PACRG: variants seen among roughly 807,000 people sequenced by gnomAD.
The protein encoded by PACRG is parkin coregulated gene protein.
In PACRG, 29 loss-of-function variants were observed where a neutral mutation model predicts 29.7. The observed-to-expected ratio is 0.98, with a 90% CI of 0.73 to 1.33. The LOEUF (loss-of-function observed/expected upper bound fraction) is 1.33. Among genes scored for constraint, PACRG ranks in the 40% most tolerant of loss-of-function variants. The pLI is 0.00. For missense variants in PACRG, 279 were observed against 316.2 expected (o/e 0.88, Z 0.89); for synonymous variants, 116 against 118.7 (o/e 0.98, Z 0.15).
chr6:163,060,223 G>A (rs1231462560), intron 2 of PACRG, among the ~76,000 whole-genome samples: 1 of 152,026 alleles, frequency 6.6e-6, no homozygotes, highest in Admixed American at 6.5e-5. Context: ...ATTTAATTTT[G>A]TGCTTACAAG....
chr6:163,089,872 T>G (rs1813936662), intron 4 of PACRG, among the ~76,000 whole-genome samples: 1 of 152,218 alleles, frequency 6.6e-6, no homozygotes, highest in Non-Finnish European at 1.5e-5. Context: ...TTTTGTAGTA[T>G]TATTCTATAA....
intron 2 of PACRG, among the ~76,000 whole-genome samples, chr6:162,984,042 A>C (rs2128175423): frequency 6.6e-6 from 1 of 151,890 alleles, no homozygotes; most frequent in Admixed American, 6.6e-5. Context: ...TTATTTCAAT[A>C]GGTTTTTGGG....
chr6:163,060,621 T>C (rs76163589), intron 2 of PACRG, among the ~76,000 whole-genome samples: 65 of 152,320 alleles, frequency 4.3e-4, no homozygotes, highest in African/African-American at 1.5e-3. Flanking sequence ...ACTTCCTTGA[T>C]TGGCTGGACT....
At chr6:162,879,100 TG>T (rs1793614350) in intron 2 of PACRG, among the ~76,000 whole-genome samples, 1 of 152,202 alleles carries the variant, frequency 6.6e-6, no homozygotes, top group Non-Finnish European at 1.5e-5. Flanking sequence ...GTTTATATGA[TG>T]GTCCTCAAAA....
chr6:163,256,497 G>C (rs1225330535), intron 4 of PACRG, among the ~76,000 whole-genome samples: 1 of 152,218 alleles, frequency 6.6e-6, no homozygotes, highest in Non-Finnish European at 1.5e-5. Flanking sequence ...TTCCAGCCAG[G>C]TGGTGAGGTG....
At position 162,808,599 on chromosome 6, in the gene PACRG, C is replaced by T. The variant is rs143056804; in HGVS notation, c.157-5548C>T. 2.7e-3 allele frequency among the ~76,000 whole-genome samples: 411 copies of T among 152,174 alleles called. 2 individuals are homozygous for T. Among genetic ancestry groups the T allele is most frequent in the African/African-American group, 9.0e-3 (375 of 41,524 alleles). On this transcript the variant is annotated intron_variant, in intron 1 of 4. Transcript: ENST00000366888. ...GTCCTAAATCCATTATGCCACATTC[C>T]GTAAATGTAGGCATATAAAGTATTC...
At position 163,026,417 on chromosome 6, in the gene PACRG, T is replaced by C. The variant is rs1368875326; in HGVS notation, c.292-35733T>C. On this transcript the variant is annotated intron_variant, in intron 2 of 4. Coordinates refer to ENST00000366888, the MANE Select transcript of PACRG (RefSeq NM_001080379.2). ...TGACCTTTCTAATTATTAAATTGCTTTGGTAGAATAATTTTATACACTGAT... is the reference window on the plus strand; with the variant it reads ...TGACCTTTCTAATTATTAAATTGCTCTGGTAGAATAATTTTATACACTGAT... Among the ~76,000 whole-genome samples, 4 of 152,358 alleles carry C rather than the reference T, an allele frequency of 2.6e-5. No homozygotes were observed. In the East Asian group the frequency reaches 7.7e-4, roughly 29 times the overall value.
chr6:163,253,657 G>T (rs1311749153), intron 4 of PACRG, among the ~76,000 whole-genome samples: 1 of 152,110 alleles, frequency 6.6e-6, no homozygotes, highest in Non-Finnish European at 1.5e-5. Flanking sequence ...CCATCACCTG[G>T]CCCAAAAACT....
chr6:163,076,149 A>T (rs1230856893), intron 3 of PACRG, among the ~76,000 whole-genome samples: 1 of 152,074 alleles, frequency 6.6e-6, no homozygotes, highest in East Asian at 1.9e-4. Context: ...TGTTGATTCT[A>T]ATTCTGGCAG....
chr6:163,151,788 A>G (rs973607651), intron 4 of PACRG, among the ~76,000 whole-genome samples: 1 of 152,238 alleles, frequency 6.6e-6, no homozygotes, highest in Non-Finnish European at 1.5e-5. Flanking sequence ...TTTTAACGGA[A>G]CTTAAATATT....
At chr6:162,843,917 A>AG (rs1790062503) in intron 2 of PACRG, among the ~76,000 whole-genome samples, 1 of 82,164 alleles carries the variant, frequency 1.2e-5, no homozygotes, top group Non-Finnish European at 2.5e-5. Flanking sequence ...CTCGGGGGTC[A>AG]GGGGTCAGGG....
chr6:163,277,207 T>C (rs571922138), intron 4 of PACRG, among the ~76,000 whole-genome samples: 3 of 152,120 alleles, frequency 2.0e-5, no homozygotes, highest in African/African-American at 7.2e-5. Context: ...ACCCATCACC[T>C]GAGCTGTGTA....
intron 4 of PACRG, among the ~76,000 whole-genome samples, chr6:163,092,374 C>T (rs1413124502): frequency 1.3e-5 from 2 of 152,112 alleles, no homozygotes; most frequent in South Asian, 2.1e-4. Flanking sequence ...GAGGGAGGAA[C>T]AGTCCATGCT....
chr6:162,990,765 G>A (rs1318132927), intron 2 of PACRG, among the ~76,000 whole-genome samples: 3 of 139,756 alleles, frequency 2.1e-5, no homozygotes, highest in Non-Finnish European at 3.0e-5. Context: ...TGTCAATTTT[G>A]GCTTTCCTTG....
At chr6:163,099,465 A>T (rs77572859) in intron 4 of PACRG, among the ~76,000 whole-genome samples, 2 of 152,238 alleles carry the variant, frequency 1.3e-5, no homozygotes, top group Non-Finnish European at 2.9e-5. Context: ...ACTTAATCTG[A>T]GCAAGAAAGC....
rs141515297 is a variant in PACRG, at chr6:162,876,085, C to T, written c.291+61804C>T. Among the ~76,000 whole-genome samples the T allele has an allele frequency of 1.4e-3, 209 of 152,266 alleles. 2 individuals carry two copies. The highest frequency in any genetic ancestry group is 4.5e-3 in the African/African-American group (185 of 41,556). ...CCATGCTAAAACCATGCATGCTTCC[C>T]GGGTATCACTGTTCTCATGTGGGTG... On this transcript the variant is annotated intron_variant, in intron 2 of 4. Coordinates refer to ENST00000366888, the MANE Select transcript of PACRG (RefSeq NM_001080379.2).
At chr6:162,737,270 C>G (rs926095756) in intron 1 of PACRG, among the ~76,000 whole-genome samples, 1 of 152,116 alleles carries the variant, frequency 6.6e-6, no homozygotes, top group African/African-American at 2.4e-5. Flanking sequence ...ATTCATGATA[C>G]AAATGAGGGG....
chr6:163,033,511 A>G (rs964964341), intron 2 of PACRG, among the ~76,000 whole-genome samples: 1 of 152,236 alleles, frequency 6.6e-6, no homozygotes, highest in African/African-American at 2.4e-5. Context: ...TTAAAACTCT[A>G]TTTCCCAAAG....
chr6:163,143,043 T>C (rs969085609), intron 4 of PACRG, among the ~76,000 whole-genome samples: 1 of 152,182 alleles, frequency 6.6e-6, no homozygotes, highest in African/African-American at 2.4e-5. Context: ...GAAATCCAAA[T>C]GCTATCTGAA....
Sources: allele counts gnomAD v4.1 joint callset (sites outside exome capture counted in the v4.1 genomes callset), GRCh38; gene constraint gnomAD v4.1.1; transcripts MANE v1.5; gene names NCBI Gene and HGNC (gene_info 2026-07-23, HGNC 2026-07-21).